Variants in ATP9B observed in about 807,000 individuals in gnomAD.
ATP9B encodes probable phospholipid-transporting ATPase IIB.
In ATP9B, 110 loss-of-function variants were observed where a neutral mutation model predicts 146.1. That is an observed-to-expected ratio of 0.75 (90% CI 0.65 to 0.88). The LOEUF (loss-of-function observed/expected upper bound fraction) is 0.88. Among genes scored for constraint, ATP9B ranks in the 40% least tolerant of loss-of-function variants. The pLI, the probability that ATP9B is intolerant of heterozygous loss-of-function variation, is 0.00. For synonymous variants in ATP9B, 604 were observed against 569.7 expected, an observed-to-expected ratio of 1.06 and a Z score of -0.86; for missense variants, 1,499 against 1,496.4, an observed-to-expected ratio of 1.00 and a Z score of -0.03.
intron 2 of ATP9B, among the ~76,000 whole-genome samples, chr18:79,100,277 G>A (rs1427495680): frequency 6.6e-6 from 1 of 152,194 alleles, no homozygotes; most frequent in African/African-American, 2.4e-5. Flanking sequence ...TGTCAGTGAA[G>A]TCATAGTTGT....
chr18:79,263,465 C>T (rs2096166428), intron 12 of ATP9B, among the ~76,000 whole-genome samples: 1 of 152,254 alleles, frequency 6.6e-6, no homozygotes, highest in African/African-American at 2.4e-5. Context: ...TCTGAGAGGA[C>T]TTGCACAGTT....
At chr18:79,186,332 G>C (rs923634105) in intron 8 of ATP9B, among the ~76,000 whole-genome samples, 1 of 152,058 alleles carries the variant, frequency 6.6e-6, no homozygotes, top group Admixed American at 6.5e-5. Context: ...GCTTTCCTCC[G>C]TTATTGAAAA....
Position 79,360,781 on chromosome 18 carries a change from T to C in ATP9B, c.3012+1319T>C, listed in dbSNP as rs182490888. The C allele has an allele frequency of 2.6e-5, 4 of 152,364 alleles. No individual in the cohort carries two copies. In the East Asian group the frequency reaches 7.7e-4, roughly 29 times the overall value. 9.4% of individuals were successfully genotyped at this position (152,364 alleles called of 1,614,324 possible). ...ATGAAATATAAATACCAAGCGTTAT[T>C]ATCATGGTGGCATCATCGTGACTAC... is the stretch of plus-strand genomic sequence containing the variant. On this transcript the variant is annotated intron_variant, in intron 26 of 29. Transcript: ENST00000426216.
chr18:79,321,114 G>T (rs986708599), intron 15 of ATP9B, among the ~76,000 whole-genome samples: 2 of 152,174 alleles, frequency 1.3e-5, no homozygotes, highest in Admixed American at 6.5e-5. Flanking sequence ...TATACCAAGA[G>T]AATTCGCTAG....
In ATP9B at chr18:79,096,641, C is replaced by G; in HGVS notation, c.285C>G (p.Leu95=). Residue 95 remains leucine, a synonymous_variant, in exon 2 of 30, where the codon CTC becomes CTG. Coordinates refer to ENST00000426216, the MANE Select transcript of ATP9B (RefSeq NM_198531.5). ...EWFVCDGWKF[L]CTSCCGWLIN... Reference sequence around the variant, plus strand: ...TTGTCTGTGATGGCTGGAAGTTCCTCTGTACCAGGTTTGTTATCCATTGCT... The same window carrying G: ...TTGTCTGTGATGGCTGGAAGTTCCTGTGTACCAGGTTTGTTATCCATTGCT... 1 of 1,612,450 alleles carries G rather than the reference C, an allele frequency of 6.2e-7. No individual in the cohort carries two copies. Among genetic ancestry groups the G allele is most frequent in the Admixed American group, 1.7e-5 (1 of 59,840 alleles).
Position 79,143,791 on chromosome 18 carries a change from C to G in ATP9B, c.668-11C>G. On this transcript the variant is annotated splice_polypyrimidine_tract_variant and intron_variant, in intron 5 of 29. Coordinates refer to ENST00000426216, the MANE Select transcript of ATP9B (RefSeq NM_198531.5). ...TTTCCTTGAGTTGACTGTACTTCTTCTTTTTTTAAGGTAAAGTGCAAGTTA... is the reference window on the plus strand; with the variant it reads ...TTTCCTTGAGTTGACTGTACTTCTTGTTTTTTTAAGGTAAAGTGCAAGTTA... 1 of 1,556,460 alleles carries G rather than the reference C, an allele frequency of 6.4e-7. No individual in the cohort carries two copies. The highest frequency in any genetic ancestry group is 1.4e-5 in the African/African-American group (1 of 72,466).
chr18:79,186,658 C>T (rs1436886178), intron 8 of ATP9B, among the ~76,000 whole-genome samples: 1 of 152,156 alleles, frequency 6.6e-6, no homozygotes, highest in African/African-American at 2.4e-5. Context: ...TCATAATTCT[C>T]AAGTTACTAG....
intron 1 of ATP9B, among the ~76,000 whole-genome samples, chr18:79,080,755 GT>G (rs1273862632): frequency 6.6e-6 from 1 of 152,118 alleles, no homozygotes; most frequent in Non-Finnish European, 1.5e-5. Context: ...TTGGCTGTGG[GT>G]TTGTCATAAA....
At chr18:79,127,660 A>G (rs1006174769) in intron 5 of ATP9B, among the ~76,000 whole-genome samples, 1 of 152,304 alleles carries the variant, frequency 6.6e-6, no homozygotes, top group Admixed American at 6.5e-5. Context: ...TGAATAATGC[A>G]GCTATGGACA....
chr18:79,247,407 T>C (rs2095978521), intron 11 of ATP9B, among the ~76,000 whole-genome samples: 1 of 152,220 alleles, frequency 6.6e-6, no homozygotes, highest in Admixed American at 6.5e-5. Flanking sequence ...TAGGAAATGC[T>C]AGAGCCAGTA....
chr18:79,351,526 G>T (rs1365476955), intron 25 of ATP9B, among the ~76,000 whole-genome samples: 1 of 152,124 alleles, frequency 6.6e-6, no homozygotes, highest in African/African-American at 2.4e-5. Context: ...TAAATACCAA[G>T]AATTGAACAA....
intron 9 of ATP9B, among the ~76,000 whole-genome samples, chr18:79,199,023 C>T (rs2095441772): frequency 6.6e-6 from 1 of 152,150 alleles, no homozygotes; most frequent in Non-Finnish European, 1.5e-5. Flanking sequence ...GCAATCTCAG[C>T]TCACTGCAAC....
intron 6 of ATP9B, among the ~76,000 whole-genome samples, chr18:79,152,216 A>C (rs1371955978): frequency 6.6e-6 from 1 of 152,248 alleles, no homozygotes; most frequent in Non-Finnish European, 1.5e-5. Context: ...ACGCTTTTAC[A>C]CTGTTGGTGG....
chr18:79,196,722 A>G (rs2095421063), intron 9 of ATP9B, among the ~76,000 whole-genome samples: 1 of 152,242 alleles, frequency 6.6e-6, no homozygotes, highest in Non-Finnish European at 1.5e-5. Flanking sequence ...TCTTTCACAC[A>G]GAAAATTAAT....
intron 8 of ATP9B, among the ~76,000 whole-genome samples, chr18:79,188,291 A>T (rs973284400): frequency 6.6e-6 from 1 of 152,244 alleles, no homozygotes; most frequent in Admixed American, 6.5e-5. Flanking sequence ...GGTTGCTGAA[A>T]TTTTAAAAAA....
chr18:79,362,332 A>C (rs1305592975), intron 26 of ATP9B: 1 of 152,232 alleles, frequency 6.6e-6, no homozygotes, highest in African/African-American at 2.4e-5. Flanking sequence ...CCTGAGCCAC[A>C]CATCGACACA....
intron 5 of ATP9B, among the ~76,000 whole-genome samples, chr18:79,134,727 AT>A (rs1252586523): frequency 6.6e-6 from 1 of 152,142 alleles, no homozygotes; most frequent in African/African-American, 2.4e-5. Flanking sequence ...TTTTTACCTT[AT>A]TACAATTTTT....
At chr18:79,359,639 A>G in intron 26 of ATP9B, 177 bp downstream of exon 26, 1 of 595,658 alleles carries the variant, frequency 1.7e-6, no homozygotes, top group Non-Finnish European at 3.0e-6. Flanking sequence ...TCTTTGAGTT[A>G]AACTTCAAAA....
chr18:79,080,681 G>A (rs1376014089), intron 1 of ATP9B, among the ~76,000 whole-genome samples: 7 of 152,172 alleles, frequency 4.6e-5, no homozygotes, highest in Non-Finnish European at 7.3e-5. Context: ...GTGAGAGAGG[G>A]CATCCTTGTC....
Sources: allele counts gnomAD v4.1 joint callset (sites outside exome capture counted in the v4.1 genomes callset), GRCh38; gene constraint gnomAD v4.1.1; transcripts MANE v1.5; gene names NCBI Gene and HGNC (gene_info 2026-07-23, HGNC 2026-07-21).